SATL1: variants seen among roughly 807,000 people sequenced by gnomAD.
The protein encoded by SATL1 is spermidine/spermine N(1)-acetyltransferase-like protein 1.
SATL1 carries 47 observed loss-of-function variants against 51.8 expected under a neutral mutation model. That is an observed-to-expected ratio of 0.91 (90% CI 0.72 to 1.16). SATL1 has a LOEUF of 1.16. SATL1 is among the 50% of genes most tolerant of loss of function. The probability of loss-of-function intolerance (pLI) is 0.00; values close to 1 mark genes in which losing one functional copy is unlikely to be tolerated. For synonymous variants in SATL1, 176 were observed against 182.4 expected (o/e 0.97, Z 0.28); for missense variants, 520 against 526.4 (o/e 0.99, Z 0.12).
chrX:85,166,941 ATG>A (rs60077558), intron 2 of SATL1, among the ~76,000 whole-genome samples: 5,553 of 77,334 alleles, frequency 0.072, 206 homozygotes, highest in East Asian at 0.11. Flanking sequence ...ATATATGTGT[ATG>A]TGTGTGTGTG....
intron 2 of SATL1, among the ~76,000 whole-genome samples, chrX:85,129,600 A>C (rs973643511): frequency 9.0e-6 from 1 of 111,622 alleles, no homozygotes; most frequent in Admixed American, 9.6e-5. Flanking sequence ...AAACAGGGAC[A>C]ATTTGACTTC....
intron 2 of SATL1, among the ~76,000 whole-genome samples, chrX:85,147,821 G>A (rs1472028568): frequency 1.8e-5 from 2 of 111,688 alleles, no homozygotes; most frequent in Non-Finnish European, 3.8e-5. Flanking sequence ...AAACCCATCT[G>A]TACATCACCA....
intron 2 of SATL1, among the ~76,000 whole-genome samples, chrX:85,144,898 G>A (rs941189146): frequency 2.7e-5 from 3 of 110,727 alleles, no homozygotes; most frequent in Non-Finnish European, 3.8e-5. Flanking sequence ...AGAGCCAAGT[G>A]TGGTGGTGCA....
intron 7 of SATL1, 98 bp from the exon 8 acceptor site, chrX:85,092,659 A>G (rs1290179350): frequency 2.6e-6 from 2 of 766,700 alleles, no homozygotes; most frequent in East Asian, 6.9e-5. Flanking sequence ...GCAAGACACT[A>G]TGTGTGAATA....
chrX:85,132,592 A>G (rs1287944486), intron 2 of SATL1, among the ~76,000 whole-genome samples: 1 of 111,588 alleles, frequency 9.0e-6, no homozygotes, highest in African/African-American at 3.3e-5. Flanking sequence ...CAATGGTTTC[A>G]AACGTCCTCC....
At chrX:85,192,110 C>G (rs1927454400) in intron 2 of SATL1, among the ~76,000 whole-genome samples, 1 of 111,613 alleles carries the variant, frequency 9.0e-6, no homozygotes, top group Non-Finnish European at 1.9e-5. Flanking sequence ...TCTATGGCTA[C>G]TGTCATAGTT....
At chrX:85,222,898 A>C (rs1253818210) in intron 2 of SATL1, among the ~76,000 whole-genome samples, 2 of 111,998 alleles carry the variant, frequency 1.8e-5, no homozygotes, top group African/African-American at 6.5e-5. Flanking sequence ...AAAAAATGAA[A>C]TATTCCACTT....
chrX:85,092,439 G>C lies in SATL1; in HGVS notation c.2040C>G (p.Leu680=). The part of the protein sequence containing the change: ...LDLSSEEGWH[L]FRFNREELLD... ...GGAGTTCTTCTCTGTTAAACCTGAA[G>C]AGATGCCAGCCCTCCTCAGAGGAAA... The change falls in exon 8 of 8, where the codon CTC becomes CTG. Residue 680 remains leucine, a synonymous_variant. Transcript: ENST00000644105. The C allele has an allele frequency of 8.4e-7, 1 of 1,195,377 alleles. No homozygotes were observed. The highest frequency in any genetic ancestry group is 1.1e-6 in the Non-Finnish European group (1 of 887,093).
intron 2 of SATL1, among the ~76,000 whole-genome samples, chrX:85,109,563 A>G (rs1394748331): frequency 9.0e-6 from 1 of 111,341 alleles, no homozygotes; most frequent in African/African-American, 3.3e-5. Flanking sequence ...AGCCAATTCA[A>G]AGAAACTTGC....
chrX:85,208,139 G>A (rs1339042638), intron 2 of SATL1, among the ~76,000 whole-genome samples: 2 of 110,095 alleles, frequency 1.8e-5, no homozygotes, highest in African/African-American at 6.6e-5. Context: ...ACCTATGAGT[G>A]GGAACATGTG....
chrX:85,142,220 C>A (rs1034753855), intron 2 of SATL1, among the ~76,000 whole-genome samples: 4 of 105,660 alleles, frequency 3.8e-5, no homozygotes, highest in Non-Finnish European at 7.8e-5. Context: ...CACGATGAAA[C>A]CCCGTCTCTA....
At chrX:85,201,581 C>T (rs1569246308) in intron 2 of SATL1, among the ~76,000 whole-genome samples, 1 of 110,779 alleles carries the variant, frequency 9.0e-6, no homozygotes, top group Non-Finnish European at 1.9e-5. Context: ...AACTCAGTAC[C>T]CAAGAGTTAT....
chrX:85,107,478 G>C lies in SATL1; in HGVS notation c.1491C>G (p.Asn497Lys), dbSNP rs756246895. The change falls in exon 3 of 8, where the codon AAC becomes AAG. Residue 497 changes from asparagine to lysine, a missense_variant. By Grantham distance (94) the Asn-to-Lys change is moderately conservative. This residue lies in a region of SATL1 where 488 missense variants were observed against 474.3 expected (regional missense o/e 1.03). Coordinates refer to ENST00000644105, the MANE Select transcript of SATL1 (RefSeq NM_001367857.2). ...SQPGLSQQDL[N>K]QLVLSQPGLS... ...GGCCTGGTTGGCTCAGCACTAATTGGTTCAGGTCTTGTTGGCTCAGGCCTG... is the reference window on the plus strand; with the variant it reads ...GGCCTGGTTGGCTCAGCACTAATTGCTTCAGGTCTTGTTGGCTCAGGCCTG... The C allele has an allele frequency of 8.3e-7, 1 of 1,210,841 alleles. No individual in the cohort carries two copies. The highest frequency in any genetic ancestry group is 1.1e-6 in the Non-Finnish European group (1 of 895,388).
At chrX:85,237,546 C>T (rs1326659871) in intron 1 of SATL1, among the ~76,000 whole-genome samples, 2 of 111,284 alleles carry the variant, frequency 1.8e-5, no homozygotes, top group Non-Finnish European at 1.9e-5. Context: ...TATTCCTCAC[C>T]ATATACAAAA....
chrX:85,135,761 A>ATTTTT (rs1569234174), intron 2 of SATL1, among the ~76,000 whole-genome samples: 3 of 102,528 alleles, frequency 2.9e-5, no homozygotes, highest in African/African-American at 7.5e-5. Flanking sequence ...TGTACTTTTC[A>ATTTTT]TAGAGATGGG....
chrX:85,154,683 T>C (rs763999153), intron 2 of SATL1, among the ~76,000 whole-genome samples: 14 of 112,266 alleles, frequency 1.2e-4, no homozygotes, highest in Non-Finnish European at 2.4e-4. Flanking sequence ...CCTAAACTCT[T>C]AACTCCAGAC....
At chrX:85,190,713 A>G (rs1927417185) in intron 2 of SATL1, among the ~76,000 whole-genome samples, 1 of 111,436 alleles carries the variant, frequency 9.0e-6, no homozygotes, top group Non-Finnish European at 1.9e-5. Flanking sequence ...AGGTAAACAA[A>G]AAATTAGCCT....
At chrX:85,234,080 C>A (rs1370968142) in intron 1 of SATL1, among the ~76,000 whole-genome samples, 1 of 110,352 alleles carries the variant, frequency 9.1e-6, no homozygotes, top group African/African-American at 3.3e-5. Context: ...AAAAACACTC[C>A]AATACATCTG....
chrX:85,178,611 CA>C (rs60561678), intron 2 of SATL1, among the ~76,000 whole-genome samples: 8,633 of 50,118 alleles, frequency 0.17, 932 homozygotes, highest in African/African-American at 0.38. Context: ...ACAAAATGCT[CA>C]AAAAAAAAAA....
Sources: allele counts gnomAD v4.1 joint callset (sites outside exome capture counted in the v4.1 genomes callset), GRCh38; gene constraint gnomAD v4.1.1; regional missense constraint gnomAD v4.1.1; transcripts MANE v1.5; gene names NCBI Gene and HGNC (gene_info 2026-07-23, HGNC 2026-07-21).